Variants in IL1RAPL2 observed in about 807,000 individuals in gnomAD.
IL1RAPL2 encodes interleukin 1 receptor accessory protein like 2.
In IL1RAPL2, 3 loss-of-function variants were observed where a neutral mutation model predicts 44.1. That is an observed-to-expected ratio of 0.07 (90% confidence interval 0.03 to 0.18). The LOEUF is 0.18. Among genes scored for constraint, IL1RAPL2 ranks in the 10% least tolerant of loss-of-function variants. The pLI is 1.00. For missense variants in IL1RAPL2, 391 were observed against 496.4 expected, an observed-to-expected ratio of 0.79 and a Z score of 2.02; for synonymous variants, 181 against 178.8, an observed-to-expected ratio of 1.01 and a Z score of -0.10.
At chrX:104,797,185 G>A (rs1314612148) in intron 2 of IL1RAPL2, among the ~76,000 whole-genome samples, 1 of 23,897 alleles carries the variant, frequency 4.2e-5, no homozygotes, top group Non-Finnish European at 6.3e-5. Flanking sequence ...GATCTCTTCA[G>A]CCCCCCCCCC....
At chrX:104,706,426 T>C (rs1931364394) in intron 2 of IL1RAPL2, among the ~76,000 whole-genome samples, 2 of 111,902 alleles carry the variant, frequency 1.8e-5, no homozygotes, top group Admixed American at 9.5e-5. Flanking sequence ...ATAGAAGTAA[T>C]TGTAGAAGAC....
intron 2 of IL1RAPL2, among the ~76,000 whole-genome samples, chrX:104,715,225 G>A (rs916051690): frequency 9.2e-6 from 1 of 108,900 alleles, no homozygotes; most frequent in Non-Finnish European, 1.9e-5. Flanking sequence ...ATATGTATAT[G>A]GGAATTTATC....
intron 6 of IL1RAPL2, among the ~76,000 whole-genome samples, chrX:105,502,202 C>T (rs1389708368): frequency 1.8e-5 from 2 of 112,229 alleles, no homozygotes; most frequent in Non-Finnish European, 3.8e-5. Context: ...ACTATAATCT[C>T]ACTCTTGTGG....
At chrX:104,913,536 T>C (rs970934160) in intron 2 of IL1RAPL2, among the ~76,000 whole-genome samples, 2 of 111,758 alleles carry the variant, frequency 1.8e-5, no homozygotes, top group African/African-American at 3.3e-5. Context: ...GGGAGGCTGA[T>C]TAAGTGCATT....
chrX:104,905,762 G>T (rs1385661350), intron 2 of IL1RAPL2, among the ~76,000 whole-genome samples: 1 of 111,129 alleles, frequency 9.0e-6, no homozygotes, highest in Non-Finnish European at 1.9e-5. Flanking sequence ...TGTTCTTTTG[G>T]CTTAGGATTG....
chrX:105,477,800 A>G (rs2036207973), intron 5 of IL1RAPL2, among the ~76,000 whole-genome samples: 1 of 112,067 alleles, frequency 8.9e-6, no homozygotes, highest in Non-Finnish European at 1.9e-5. Context: ...ACAAAGAGCC[A>G]TAAGGCTGCT....
At chrX:105,362,497 G>A (rs1055867738) in intron 5 of IL1RAPL2, among the ~76,000 whole-genome samples, 2 of 110,678 alleles carry the variant, frequency 1.8e-5, no homozygotes, top group African/African-American at 6.5e-5. Context: ...GCCTGAGGGG[G>A]TAGGAAGTTT....
intron 3 of IL1RAPL2, among the ~76,000 whole-genome samples, chrX:105,221,369 C>T (rs1158470776): frequency 2.8e-5 from 3 of 105,372 alleles, no homozygotes; most frequent in Non-Finnish European, 3.9e-5. Context: ...AAAAGAAAAA[C>T]GTTAGACAAC....
At chrX:105,589,337 C>T (rs1453869751) in intron 6 of IL1RAPL2, among the ~76,000 whole-genome samples, 2 of 111,108 alleles carry the variant, frequency 1.8e-5, no homozygotes, top group Non-Finnish European at 3.8e-5. Context: ...TGTAGGTTGT[C>T]TGTTTATTCT....
chrX:105,017,088 G>C (rs1238632310), intron 2 of IL1RAPL2, among the ~76,000 whole-genome samples: 2 of 111,344 alleles, frequency 1.8e-5, no homozygotes, highest in Non-Finnish European at 3.8e-5. Context: ...CAGTTTATTT[G>C]CGTAGAGGTG....
rs185301295 is a variant in IL1RAPL2 at position 105,034,837 on chromosome X, G to C, written c.83-160638G>C. Among the ~76,000 whole-genome samples the C allele has an allele frequency of 2.7e-3, 299 of 112,459 alleles. 2 individuals carry two copies. The highest frequency in any genetic ancestry group is 3.9e-3 in the Non-Finnish European group (208 of 53,242). On this transcript the variant is annotated intron_variant, in intron 2 of 10. Transcript: ENST00000372582. The stretch of plus-strand genomic sequence containing the variant: ...TTTGTTTGTCTGTGCCCTGCCCCCA[G>C]TGGTGGAGCCTACAGAATCAGGAAG...
At chrX:104,726,617 C>A (rs1931798845) in intron 2 of IL1RAPL2, among the ~76,000 whole-genome samples, 1 of 110,889 alleles carries the variant, frequency 9.0e-6, no homozygotes, top group Non-Finnish European at 1.9e-5. Context: ...AGTTGTATTC[C>A]TAGGTACTTT....
chrX:105,528,245 T>C (rs1450348315), intron 6 of IL1RAPL2, among the ~76,000 whole-genome samples: 1 of 111,689 alleles, frequency 9.0e-6, no homozygotes, highest in Admixed American at 9.5e-5. Context: ...TTATCTCATT[T>C]AATCCCTACA....
At chrX:105,508,570 G>A (rs1343430613) in intron 6 of IL1RAPL2, among the ~76,000 whole-genome samples, 2 of 109,862 alleles carry the variant, frequency 1.8e-5, no homozygotes, top group Non-Finnish European at 3.8e-5. Context: ...TAGTCCTCAG[G>A]TGATGCACTT....
At chrX:104,575,665 T>C (rs1928231398) in intron 1 of IL1RAPL2, among the ~76,000 whole-genome samples, 1 of 111,972 alleles carries the variant, frequency 8.9e-6, no homozygotes, top group African/African-American at 3.2e-5. Context: ...CAGGGAATGG[T>C]CTTGCCAGTG....
chrX:104,736,167 G>A (rs1263346736), intron 2 of IL1RAPL2, among the ~76,000 whole-genome samples: 1 of 111,854 alleles, frequency 8.9e-6, no homozygotes, highest in East Asian at 2.8e-4. Flanking sequence ...TTCTTGGCTA[G>A]ATCAACCTTC....
At chrX:105,450,402 T>C (rs1378885506) in intron 5 of IL1RAPL2, among the ~76,000 whole-genome samples, 1 of 112,236 alleles carries the variant, frequency 8.9e-6, no homozygotes, top group Non-Finnish European at 1.9e-5. Context: ...AGTTAAAATT[T>C]CATGTTTCAG....
intron 2 of IL1RAPL2, among the ~76,000 whole-genome samples, chrX:104,851,331 A>C (rs746881734): frequency 3.5e-4 from 39 of 112,241 alleles, no homozygotes; most frequent in Non-Finnish European, 6.6e-4. Context: ...AACAAAAGTG[A>C]ATTTACCAGA....
intron 5 of IL1RAPL2, among the ~76,000 whole-genome samples, chrX:105,293,198 A>C (rs1162566316): frequency 9.1e-6 from 1 of 109,521 alleles, no homozygotes; most frequent in Non-Finnish European, 1.9e-5. Context: ...AAAAGTGTAC[A>C]TTTGGTTATT....
Sources: gnomAD v4.1 joint callset for allele counts (sites outside exome capture counted in the v4.1 genomes callset) on GRCh38, gnomAD v4.1.1 for gene constraint, MANE v1.5 for transcripts, NCBI Gene and HGNC (gene_info 2026-07-23, HGNC 2026-07-21) for gene names.